The following CACNA1C variants were observed in gnomAD, a reference collection of about 807,000 sequenced individuals.
CACNA1C encodes voltage-dependent L-type calcium channel subunit alpha-1C.
Under a neutral mutation model 229.0 loss-of-function variants are expected in CACNA1C, and 30 were observed. The observed-to-expected ratio is 0.13, with a 90% CI of 0.10 to 0.18. CACNA1C has a LOEUF of 0.18. Among genes scored for constraint, CACNA1C ranks in the 10% least tolerant of loss-of-function variants. The probability of loss-of-function intolerance (pLI) is 1.00; values close to 1 mark genes in which losing one functional copy is unlikely to be tolerated. For synonymous variants in CACNA1C, 1,114 were observed against 1,132.5 expected, an observed-to-expected ratio of 0.98 and a Z score of 0.33; for missense variants, 1,658 against 2,845.0, an observed-to-expected ratio of 0.58 and a Z score of 9.49.
At position 2,152,151 on chromosome 12, in the gene CACNA1C, T is replaced by A. The variant is rs1349302420; in HGVS notation, c.477+31721T>A. On this transcript the variant is annotated intron_variant, in intron 3 of 46. Transcript: ENST00000399655. This position sits in a 1 kb window ranked among gnomAD's most constrained non-coding sequence, Gnocchi z 4.2. ...CGTTGCAATGGACCACATTATGGCA[T>A]GCACATTAATGTAGGGATTGTTCAT... Among the ~76,000 whole-genome samples, 2 of 152,228 alleles carry A rather than the reference T, an allele frequency of 1.3e-5. No homozygotes were observed. Among genetic ancestry groups the A allele is most frequent in the Non-Finnish European group, 2.9e-5 (2 of 68,034 alleles).
chr12:2,580,277 G>A (rs969865684), intron 13 of CACNA1C, among the ~76,000 whole-genome samples: 2 of 152,168 alleles, frequency 1.3e-5, no homozygotes, highest in African/African-American at 4.8e-5. Flanking sequence ...AGGTGCCCTC[G>A]AGGCTGCAGG....
chr12:2,515,089 G>T (rs2099793580), intron 9 of CACNA1C, among the ~76,000 whole-genome samples: 1 of 152,210 alleles, frequency 6.6e-6, no homozygotes, highest in African/African-American at 2.4e-5. Flanking sequence ...AGCCCTGGGG[G>T]TCTGTTTCTT....
At chr12:2,370,291 A>G (rs144954644) in intron 3 of CACNA1C, among the ~76,000 whole-genome samples, 241 of 152,374 alleles carry the variant, frequency 1.6e-3, no homozygotes, top group Non-Finnish European at 3.0e-3. Context: ...GAAACAATTT[A>G]GCAATGCATA....
At chr12:2,652,518 C>G (rs143674044) in intron 32 of CACNA1C, among the ~76,000 whole-genome samples, 2,705 of 152,364 alleles carry the variant, frequency 0.018, 79 homozygotes, top group African/African-American at 0.062. Flanking sequence ...TTCTCTCCCC[C>G]CATGGAGGGG....
At chr12:2,365,086 T>C (rs1385755839) in intron 3 of CACNA1C, among the ~76,000 whole-genome samples, 1 of 152,230 alleles carries the variant, frequency 6.6e-6, no homozygotes, top group East Asian at 1.9e-4. Context: ...TTGTCCAGCT[T>C]TATCCCAAGT....
At position 2,034,219 on chromosome 12, in the gene CACNA1C, A is replaced by G. The variant is rs143856726; in HGVS notation, c.139+63018A>G. Among the ~76,000 whole-genome samples the G allele has an allele frequency of 1.3e-5, 2 of 152,332 alleles. No individual in the cohort carries two copies. Among genetic ancestry groups the G allele is most frequent in the East Asian group, 1.9e-4 (1 of 5,190 alleles). On this transcript the variant is annotated intron_variant, in intron 1 of 46. Transcript: ENST00000682462. This position sits in a 1 kb window ranked among gnomAD's most constrained non-coding sequence, Gnocchi z 4.1. ...GGTTCAGTGACTCGCCCAAACTCAC[A>G]TGCTTAGTGTGGGAAAGTTAAGATT...
At chr12:2,129,609 A>G (rs1233322164) in intron 3 of CACNA1C, among the ~76,000 whole-genome samples, 1 of 152,238 alleles carries the variant, frequency 6.6e-6, no homozygotes, top group Non-Finnish European at 1.5e-5. Context: ...TATAAAATAC[A>G]AATCCCTGGA....
chr12:2,508,976 T>C (rs1237960618), intron 8 of CACNA1C, among the ~76,000 whole-genome samples: 1 of 152,240 alleles, frequency 6.6e-6, no homozygotes, highest in African/African-American at 2.4e-5. Context: ...GAAATTGCAC[T>C]TGAAGCTGTA....
At chr12:2,661,901 GCTATCA>G (rs1477552592) in intron 34 of CACNA1C, among the ~76,000 whole-genome samples, 3 of 152,142 alleles carry the variant, frequency 2.0e-5, no homozygotes, top group Admixed American at 6.5e-5. Flanking sequence ...AAGATCTTAT[GCTATCA>G]CTTTTTCAAT....
intron 3 of CACNA1C, among the ~76,000 whole-genome samples, chr12:2,240,288 C>T (rs1323172930): frequency 6.6e-6 from 1 of 152,202 alleles, no homozygotes; most frequent in East Asian, 1.9e-4. Context: ...AAGGTGGATG[C>T]TGGTTGCAGA....
chr12:2,183,841 T>C (rs2096917405), intron 3 of CACNA1C, among the ~76,000 whole-genome samples: 1 of 152,238 alleles, frequency 6.6e-6, no homozygotes, highest in African/African-American at 2.4e-5. Context: ...GCTCTGTCTC[T>C]AGAGGTTCTT....
At chr12:2,273,890 G>A (rs2086405162) in intron 3 of CACNA1C, among the ~76,000 whole-genome samples, 1 of 152,208 alleles carries the variant, frequency 6.6e-6, no homozygotes, top group Admixed American at 6.5e-5. Context: ...GCACGTGTGT[G>A]CAGGCTGTGC....
chr12:2,462,177 T>A (rs1193270086), intron 5 of CACNA1C, among the ~76,000 whole-genome samples: 1 of 107,942 alleles, frequency 9.3e-6, no homozygotes, highest in Non-Finnish European at 2.0e-5. Flanking sequence ...TGGCCGGCAC[T>A]TGCTCCTTCT....
intron 3 of CACNA1C, among the ~76,000 whole-genome samples, chr12:2,377,171 G>A (rs1322784099): frequency 1.3e-5 from 2 of 152,136 alleles, no homozygotes; most frequent in African/African-American, 4.8e-5. Context: ...GGCTGTCCTG[G>A]GAGCCCATAG....
intron 3 of CACNA1C, among the ~76,000 whole-genome samples, chr12:2,443,975 T>C (rs4765932): frequency 0.18 from 26,714 of 152,198 alleles, 2,587 homozygotes; most frequent in Middle Eastern, 0.21. Context: ...ACACACACAG[T>C]GCACACAAAT....
intron 9 of CACNA1C, among the ~76,000 whole-genome samples, chr12:2,544,178 A>G (rs2099877052): frequency 6.6e-6 from 1 of 152,024 alleles, no homozygotes; most frequent in East Asian, 1.9e-4. Context: ...CCGGTTATGA[A>G]GTTTCTGTTC....
rs1255023450 is a variant in CACNA1C at position 2,602,499 on chromosome 12, GTGTA to G, written c.2960+543_2960+546del. 1.3e-5 allele frequency among the ~76,000 whole-genome samples: 2 copies of G among 151,894 alleles called. No individual in the cohort carries two copies. Among genetic ancestry groups the G allele is most frequent in the African/African-American group, 2.4e-5 (1 of 41,242 alleles). The stretch of plus-strand genomic sequence containing the variant: ...TATGTGGATGTGTGTTTGTGGCTGT[GTGTA>G]TGTGTGTGTATGTATGTGTTTGTGT... On this transcript the variant is annotated intron_variant, in intron 22 of 46. Coordinates refer to ENST00000399655, the MANE Select transcript of CACNA1C (RefSeq NM_000719.7). This position sits in a 1 kb window ranked among gnomAD's most constrained non-coding sequence, Gnocchi z 4.4.
chr12:2,067,805 G>A lies in CACNA1C; in HGVS notation c.49+14194G>A, dbSNP rs1313150082. Among the ~76,000 whole-genome samples the A allele has an allele frequency of 6.6e-6, 1 of 152,150 alleles. No homozygotes were observed. The highest frequency in any genetic ancestry group is 2.4e-5 in the African/African-American group (1 of 41,436). On this transcript the variant is annotated intron_variant, in intron 1 of 46. Coordinates refer to ENST00000399655, the MANE Select transcript of CACNA1C (RefSeq NM_000719.7). This position sits in a 1 kb window ranked among gnomAD's most constrained non-coding sequence, Gnocchi z 5.3. ...ATCAAGACCACAAGTGCCAACCTCA[G>A]CGCACTCACCTGGAGAATACTTACC...
In CACNA1C at chr12:2,689,680, T is replaced by G. The variant is rs1468677858; in HGVS notation, c.6117+901T>G. Among the ~76,000 whole-genome samples, 1 of 152,046 alleles carries G rather than the reference T, an allele frequency of 6.6e-6. No homozygotes were observed. The highest frequency in any genetic ancestry group is 1.5e-5 in the Non-Finnish European group (1 of 68,030). On this transcript the variant is annotated intron_variant, in intron 46 of 46. Transcript: ENST00000399655. This position sits in a 1 kb window ranked among gnomAD's most constrained non-coding sequence, Gnocchi z 4.2. ...GTTAAACCAGGTGGCTTCCAAGGTT[T>G]ACCTCTCAAAGTCTGGTATTCCTGT...
Sources: allele counts gnomAD v4.1 joint callset (sites outside exome capture counted in the v4.1 genomes callset), GRCh38; gene constraint gnomAD v4.1.1; non-coding constraint Gnocchi (gnomAD v3.1); transcripts MANE v1.5; gene names NCBI Gene and HGNC (gene_info 2026-07-23, HGNC 2026-07-21).